NTRK2: variants seen among roughly 807,000 people sequenced by gnomAD.
NTRK2 encodes neurotrophic receptor tyrosine kinase 2, also known as BDNF/NT-3 growth factors receptor.
A neutral mutation model predicts 94.5 loss-of-function variants in NTRK2; 13 were observed. The observed-to-expected ratio is 0.14, with a 90% CI of 0.09 to 0.22. The LOEUF (loss-of-function observed/expected upper bound fraction) is 0.22, where lower values mean the gene tolerates loss of function less well. Ranked by LOEUF, NTRK2 falls within the 10% of genes least tolerant of loss-of-function variation. The pLI, the probability that NTRK2 is intolerant of heterozygous loss-of-function variation, is 1.00. For missense variants in NTRK2, 639 were observed against 1,071.2 expected (o/e 0.60, Z 5.63); for synonymous variants, 372 against 407.4 (o/e 0.91, Z 1.05).
intron 17 of NTRK2, among the ~76,000 whole-genome samples, chr9:84,993,148 G>A (rs1486424979): frequency 6.6e-6 from 1 of 152,068 alleles, no homozygotes; most frequent in Non-Finnish European, 1.5e-5. Flanking sequence ...ACAGGGAAAG[G>A]CTCAATCACT....
chr9:84,710,784 C>A lies in NTRK2; in HGVS notation c.576C>A (p.Pro192=), dbSNP rs201185817. 30 of 1,613,884 alleles carry A rather than the reference C, an allele frequency of 1.9e-5. No individual in the cohort carries two copies. Among genetic ancestry groups the A allele is most frequent in the Non-Finnish European group, 2.0e-5 (24 of 1,179,912 alleles). ...KNIPLANLQI[P]NCGLPSANLA... ...TTCCCCTGGCAAACCTGCAGATACC[C>A]AATTGTGGTAATTTATTTTTAAATC... Residue 192 remains proline, a synonymous_variant, in exon 6 of 19, where the codon CCC becomes CCA. Coordinates refer to ENST00000277120, the MANE Select transcript of NTRK2 (RefSeq NM_006180.6).
chr9:84,920,735 G>C (rs2077539773), intron 14 of NTRK2, among the ~76,000 whole-genome samples: 1 of 152,104 alleles, frequency 6.6e-6, no homozygotes, highest in East Asian at 1.9e-4. Context: ...CACCGTTATG[G>C]GTAAGAGGCC....
chr9:84,801,999 G>A (rs2070518803), intron 12 of NTRK2, among the ~76,000 whole-genome samples: 1 of 152,222 alleles, frequency 6.6e-6, no homozygotes, highest in Non-Finnish European at 1.5e-5. Flanking sequence ...TTAAGGAGAT[G>A]ATGATTCCTT....
At chr9:84,775,152 C>T (rs1232718844) in intron 12 of NTRK2, among the ~76,000 whole-genome samples, 1 of 152,244 alleles carries the variant, frequency 6.6e-6, no homozygotes, top group African/African-American at 2.4e-5. Context: ...GCCGTCTGTG[C>T]AGGTGACCAA....
At chr9:84,879,308 A>T (rs1299821290) in intron 14 of NTRK2, among the ~76,000 whole-genome samples, 1 of 152,210 alleles carries the variant, frequency 6.6e-6, no homozygotes, top group African/African-American at 2.4e-5. Flanking sequence ...TTTTTAAAAA[A>T]TAAGGGAAAT....
chr9:84,694,860 G>C (rs1401915557), intron 2 of NTRK2, among the ~76,000 whole-genome samples: 2 of 151,950 alleles, frequency 1.3e-5, no homozygotes, highest in Admixed American at 1.3e-4. Flanking sequence ...ATGATAGATT[G>C]ATTGATAGAT....
chr9:84,750,496 A>C (rs73651116), intron 11 of NTRK2, among the ~76,000 whole-genome samples: 3,127 of 152,352 alleles, frequency 0.021, 111 homozygotes, highest in African/African-American at 0.072. Flanking sequence ...ATTGTTGTGC[A>C]GATTCTTAAG....
chr9:84,778,480 C>T (rs1176160020), intron 12 of NTRK2, among the ~76,000 whole-genome samples: 3 of 152,124 alleles, frequency 2.0e-5, no homozygotes, highest in East Asian at 1.9e-4. Context: ...TATGTAGAAC[C>T]GTAGTGAATT....
intron 12 of NTRK2, among the ~76,000 whole-genome samples, chr9:84,832,852 G>A (rs928004156): frequency 5.3e-5 from 8 of 152,082 alleles, no homozygotes; most frequent in Non-Finnish European, 4.4e-5. Context: ...AGGACGATGC[G>A]GGAGAAATTG....
At chr9:84,689,401 G>C (rs1218860892) in intron 2 of NTRK2, among the ~76,000 whole-genome samples, 1 of 152,170 alleles carries the variant, frequency 6.6e-6, no homozygotes, top group African/African-American at 2.4e-5. Flanking sequence ...CTGTTATTCA[G>C]GTCATTGTCT....
At chr9:84,728,899 T>C (rs1287595207) in intron 9 of NTRK2, among the ~76,000 whole-genome samples, 1 of 152,238 alleles carries the variant, frequency 6.6e-6, no homozygotes, top group African/African-American at 2.4e-5. Flanking sequence ...CTCAGTCTCA[T>C]TGCCCAAATG....
At chr9:84,707,167 A>AT (rs916835539) in intron 4 of NTRK2, among the ~76,000 whole-genome samples, 6 of 151,408 alleles carry the variant, frequency 4.0e-5, no homozygotes, top group African/African-American at 1.5e-4. Flanking sequence ...GTAAATTATT[A>AT]TTTTTTTTAG....
At chr9:84,984,099 A>G (rs1827992100) in intron 17 of NTRK2, among the ~76,000 whole-genome samples, 1 of 152,216 alleles carries the variant, frequency 6.6e-6, no homozygotes, top group Non-Finnish European at 1.5e-5. Flanking sequence ...GAGATACTTC[A>G]GTGATGATTA....
intron 17 of NTRK2, among the ~76,000 whole-genome samples, chr9:84,990,402 T>C (rs938012960): frequency 2.0e-4 from 30 of 152,222 alleles, no homozygotes; most frequent in African/African-American, 6.5e-4. Context: ...TCTGCACTGA[T>C]TGCTCCATCT....
chr9:84,792,870 A>T (rs1321890188), intron 12 of NTRK2, among the ~76,000 whole-genome samples: 1 of 152,226 alleles, frequency 6.6e-6, no homozygotes, highest in Non-Finnish European at 1.5e-5. Context: ...TCACACTATA[A>T]AATAGATATT....
chr9:84,736,250 G>A (rs1219365441), intron 9 of NTRK2, among the ~76,000 whole-genome samples: 1 of 152,224 alleles, frequency 6.6e-6, no homozygotes, highest in Non-Finnish European at 1.5e-5. Flanking sequence ...CACACAAGCA[G>A]TGGGAGTCAG....
chr9:84,844,348 G>A (rs1338854178), intron 12 of NTRK2, among the ~76,000 whole-genome samples: 2 of 152,038 alleles, frequency 1.3e-5, no homozygotes, highest in Non-Finnish European at 2.9e-5. Context: ...TAAATTAATG[G>A]GCTTTATATT....
chr9:84,786,242 A>G (rs757274731), intron 12 of NTRK2, among the ~76,000 whole-genome samples: 3 of 152,176 alleles, frequency 2.0e-5, no homozygotes, highest in African/African-American at 4.8e-5. Flanking sequence ...GCTATTATTT[A>G]TGGAGCACTT....
At chr9:84,903,487 C>T (rs1328293426) in intron 14 of NTRK2, among the ~76,000 whole-genome samples, 1 of 152,152 alleles carries the variant, frequency 6.6e-6, no homozygotes, top group Admixed American at 6.5e-5. Context: ...ATGGTCATCT[C>T]ATAACTAAAA....
Sources: allele counts gnomAD v4.1 joint callset (sites outside exome capture counted in the v4.1 genomes callset), GRCh38; gene constraint gnomAD v4.1.1; transcripts MANE v1.5; gene names NCBI Gene and HGNC (gene_info 2026-07-23, HGNC 2026-07-21).